The following PCM1 variants were observed in gnomAD, a reference collection of about 807,000 sequenced individuals.
PCM1 encodes pericentriolar material 1 protein.
A neutral mutation model predicts 241.9 loss-of-function variants in PCM1; 157 were observed. That is an observed-to-expected ratio of 0.65 (90% CI 0.57 to 0.74). The LOEUF (loss-of-function observed/expected upper bound fraction) is 0.74. Ranked by LOEUF, PCM1 falls within the 30% of genes least tolerant of loss-of-function variation. The pLI is 0.00. For synonymous variants in PCM1, 1,085 were observed against 784.9 expected (o/e 1.38, Z -6.39); for missense variants, 3,478 against 2,360.1 (o/e 1.47, Z -9.81).
chr8:18,019,245 C>T (rs891135616), intron 36 of PCM1, among the ~76,000 whole-genome samples: 8 of 151,996 alleles, frequency 5.3e-5, no homozygotes, highest in African/African-American at 1.9e-4. Flanking sequence ...TGTATTCTGT[C>T]TATATGTAGA....
At chr8:17,986,852 G>T (rs546274904) in intron 26 of PCM1, among the ~76,000 whole-genome samples, 1 of 151,882 alleles carries the variant, frequency 6.6e-6, no homozygotes, top group South Asian at 2.1e-4. Context: ...TTTCGTAGTT[G>T]ATTAGCAAAT....
intron 29 of PCM1, among the ~76,000 whole-genome samples, chr8:18,005,762 A>G (rs2091115820): frequency 6.6e-6 from 1 of 151,980 alleles, no homozygotes; most frequent in Non-Finnish European, 1.5e-5. Context: ...TGTAGGGAGG[A>G]GGTGTTACTG....
At chr8:17,961,687 C>G (rs1003593773) in intron 15 of PCM1, among the ~76,000 whole-genome samples, 1 of 152,172 alleles carries the variant, frequency 6.6e-6, no homozygotes, top group Non-Finnish European at 1.5e-5. Flanking sequence ...ATTTTCTAAA[C>G]CCTTGCCTTT....
At chr8:18,010,431 A>G (rs947124023) in intron 31 of PCM1, among the ~76,000 whole-genome samples, 178 bp from the exon 32 acceptor site, 2 of 152,212 alleles carry the variant, frequency 1.3e-5, no homozygotes, top group African/African-American at 4.8e-5. Flanking sequence ...TAAATTTCAG[A>G]CGTTGCTAAG....
chr8:17,969,504 C>A, intron 21 of PCM1, 73 bp from the exon 22 acceptor site: 4 of 1,092,590 alleles, frequency 3.7e-6, no homozygotes, highest in South Asian at 3.0e-5. Flanking sequence ...TTAATTAAAA[C>A]TGTCTTTTAA....
intron 29 of PCM1, among the ~76,000 whole-genome samples, chr8:18,005,805 A>G (rs928723442): frequency 1.8e-4 from 28 of 152,156 alleles, no homozygotes; most frequent in African/African-American, 6.8e-4. Flanking sequence ...GATGATGCCA[A>G]ATATCCTACA....
intron 23 of PCM1, among the ~76,000 whole-genome samples, chr8:17,977,889 C>A (rs552483002): frequency 2.6e-5 from 4 of 152,030 alleles, no homozygotes; most frequent in Non-Finnish European, 5.9e-5. Context: ...TTGGGTCCAG[C>A]CTTAAGAGAA....
chr8:17,966,929 T>C lies in PCM1; in HGVS notation c.3222-51T>C, dbSNP rs577670207. ...ATGTATTCTTCCTGAATGTACTTTATATATATGGCAATATAACTGATTCTT... is the reference window on the plus strand; with the variant it reads ...ATGTATTCTTCCTGAATGTACTTTACATATATGGCAATATAACTGATTCTT... On this transcript the variant is annotated intron_variant, in intron 20 of 38. Transcript: ENST00000325083. 35 of 1,466,554 alleles carry C rather than the reference T, an allele frequency of 2.4e-5. No individual in the cohort carries two copies. In the Middle Eastern group the frequency reaches 1.6e-3, roughly 65 times the overall value. 90.8% of individuals were successfully genotyped at this position (1,466,554 alleles called of 1,614,324 possible). A position where few individuals can be genotyped will look rare whatever the true frequency, so the allele number is the denominator to read the frequency against.
At position 17,969,678 on chromosome 8, in the gene PCM1, G is replaced by C; in HGVS notation, c.3514G>C (p.Gly1172Arg). The C allele has an allele frequency of 6.2e-7, 1 of 1,613,142 alleles. No individual in the cohort carries two copies. Among genetic ancestry groups the C allele is most frequent in the South Asian group, 1.1e-5 (1 of 91,020 alleles). The change falls in exon 22 of 39, where the codon GGA becomes CGA. Residue 1172 changes from glycine to arginine, a missense_variant. By Grantham distance (125) the Gly-to-Arg change is moderately radical. Transcript: ENST00000325083. ...QQQPLAQNSSGKTEYMAFPKP... is the reference protein window; with the variant it reads ...QQQPLAQNSSRKTEYMAFPKP... ...GCAACCCTTAGCCCAGAATTCTTCAGGAAAAACAGAATATATGGCTTTTCC... is the reference window on the plus strand; with the variant it reads ...GCAACCCTTAGCCCAGAATTCTTCACGAAAAACAGAATATATGGCTTTTCC...
chr8:17,982,044 T>A (rs541819760), intron 24 of PCM1, among the ~76,000 whole-genome samples: 1 of 152,332 alleles, frequency 6.6e-6, no homozygotes, highest in South Asian at 2.1e-4. Flanking sequence ...TTTAAACTCA[T>A]AATGAGCATT....
intron 23 of PCM1, 193 bp from the exon 24 acceptor site, chr8:17,980,398 A>C (rs991915567): frequency 2.4e-6 from 1 of 423,948 alleles, no homozygotes; most frequent in African/African-American, 2.0e-5. Context: ...TAGATTTATT[A>C]CTGTTAGCTC....
At chr8:17,977,868 C>A (rs999570046) in intron 23 of PCM1, among the ~76,000 whole-genome samples, 2 of 152,114 alleles carry the variant, frequency 1.3e-5, no homozygotes, top group Non-Finnish European at 2.9e-5. Context: ...ATTATTAAAG[C>A]TATCCAGCAT....
chr8:18,010,855 C>G (rs1489878281), intron 32 of PCM1, among the ~76,000 whole-genome samples, 187 bp downstream of exon 32: 1 of 152,102 alleles, frequency 6.6e-6, no homozygotes, highest in African/African-American at 2.4e-5. Flanking sequence ...TGCCTATAGT[C>G]CCAGCTATTC....
chr8:18,019,165 C>T (rs1008544190), intron 36 of PCM1, among the ~76,000 whole-genome samples: 2 of 151,952 alleles, frequency 1.3e-5, no homozygotes, highest in African/African-American at 2.4e-5. Flanking sequence ...CACAGGGGTT[C>T]GCTGAAGCTC....
At chr8:17,978,707 G>A (rs891492706) in intron 23 of PCM1, among the ~76,000 whole-genome samples, 1 of 152,044 alleles carries the variant, frequency 6.6e-6, no homozygotes, top group Non-Finnish European at 1.5e-5. Context: ...TCAAAATAGA[G>A]ACCTTTATAC....
chr8:18,017,875 GTTT>G (rs1481830806), intron 36 of PCM1, among the ~76,000 whole-genome samples: 1 of 152,030 alleles, frequency 6.6e-6, no homozygotes, highest in African/African-American at 2.4e-5. Flanking sequence ...GTTCCCAAGG[GTTT>G]GACTCTGAAG....
intron 27 of PCM1, among the ~76,000 whole-genome samples, chr8:17,990,809 T>A (rs757986966): frequency 1.3e-5 from 2 of 152,176 alleles, no homozygotes; most frequent in Non-Finnish European, 2.9e-5. Flanking sequence ...AGCCTTGCCC[T>A]ATCATTACAT....
intron 29 of PCM1, among the ~76,000 whole-genome samples, chr8:18,004,079 T>C (rs1233376237): frequency 3.9e-5 from 6 of 152,152 alleles, no homozygotes. Flanking sequence ...TCTATCCTTA[T>C]GCTTAGGGAG....
chr8:18,027,684 A>G lies in PCM1; in HGVS notation c.*22A>G. Reference sequence around the variant, plus strand: ...ATGAGATGTCTTCAGAGGCTCATCTAACTCTGTCCTTACATACTCAATGCA... The same window carrying G: ...ATGAGATGTCTTCAGAGGCTCATCTGACTCTGTCCTTACATACTCAATGCA... On this transcript the variant is annotated 3_prime_UTR_variant, in exon 39 of 39. Coordinates refer to ENST00000325083, the MANE Select transcript of PCM1 (RefSeq NM_006197.4). 1.3e-6 allele frequency: 2 copies of G among 1,559,996 alleles called. No individual in the cohort carries two copies. Among genetic ancestry groups the G allele is most frequent in the Non-Finnish European group, 1.8e-6 (2 of 1,137,548 alleles).
Sources: gnomAD v4.1 joint callset for allele counts (sites outside exome capture counted in the v4.1 genomes callset) on GRCh38, gnomAD v4.1.1 for gene constraint, MANE v1.5 for transcripts, NCBI Gene and HGNC (gene_info 2026-07-23, HGNC 2026-07-21) for gene names.